The following SEM1 variants were observed in gnomAD, a reference collection of about 807,000 sequenced individuals.
SEM1 encodes SEM1 26S proteasome subunit, also known as 26S proteasome complex subunit SEM1.
In SEM1, 3 loss-of-function variants were observed where a neutral mutation model predicts 12.7. The observed-to-expected ratio is 0.24, with a 90% confidence interval of 0.11 to 0.61. SEM1 has a LOEUF of 0.61. Among genes scored for constraint, SEM1 ranks in the 20% least tolerant of loss-of-function variants. The probability of loss-of-function intolerance (pLI) is 0.88; values close to 1 mark genes in which losing one functional copy is unlikely to be tolerated. For synonymous variants in SEM1, 30 were observed against 27.8 expected, an observed-to-expected ratio of 1.08 and a Z score of -0.25; for missense variants, 59 against 81.3, an observed-to-expected ratio of 0.73 and a Z score of 1.06.
In SEM1 at chr7:96,645,929, G is replaced by A. The variant is rs555042922; in HGVS notation, c.171-23286C>T. The A allele has an allele frequency of 1.8e-5, 7 of 398,278 alleles. No individual in the cohort carries two copies. The East Asian group carries it at 1.8e-4, about 10-fold the overall frequency. 24.7% of individuals were successfully genotyped at this position (398,278 alleles called of 1,614,324 possible). A position where few individuals can be genotyped will look rare whatever the true frequency, so the allele number is the denominator to read the frequency against. The stretch of plus-strand genomic sequence containing the variant: ...ATCTTTTATGGGTAGAGATGATGCT[G>A]TGTCTACCTTCCACAAGAAGAAAAT... On this transcript the variant is annotated intron_variant, in intron 2 of 2. Coordinates refer to the SEM1 transcript ENST00000417009.
At chr7:96,663,943 C>T (rs1789086801) in intron 2 of SEM1, among the ~76,000 whole-genome samples, 1 of 152,088 alleles carries the variant, frequency 6.6e-6, no homozygotes, top group African/African-American at 2.4e-5. Flanking sequence ...CAGTTCATAC[C>T]CACAAGATTG....
intron 2 of SEM1, among the ~76,000 whole-genome samples, chr7:96,599,776 C>A (rs1807137930): frequency 6.6e-6 from 1 of 152,144 alleles, no homozygotes; most frequent in Non-Finnish European, 1.5e-5. Context: ...AAAATAGGTG[C>A]CAGATTCTCT....
At chr7:96,506,778 T>C (rs979532495) in intron 2 of SEM1, 1 of 152,004 alleles carries the variant, frequency 6.6e-6, no homozygotes, top group African/African-American at 2.4e-5. Context: ...GGTACAAATA[T>C]GTGATAAAAA....
intron 2 of SEM1, among the ~76,000 whole-genome samples, chr7:96,658,985 A>C (rs1809277819): frequency 6.6e-6 from 1 of 152,126 alleles, no homozygotes; most frequent in African/African-American, 2.4e-5. Context: ...GATCTAGTAG[A>C]GGCCCTGAAG....
chr7:96,679,005 CTTAT>C (rs1401264945), intron 2 of SEM1, among the ~76,000 whole-genome samples: 4 of 151,996 alleles, frequency 2.6e-5, no homozygotes, highest in East Asian at 1.9e-4. Flanking sequence ...CAAAACGAGA[CTTAT>C]TTAACAAGTT....
intron 2 of SEM1, among the ~76,000 whole-genome samples, chr7:96,607,943 A>C (rs1156331568): frequency 2.0e-5 from 3 of 152,192 alleles, no homozygotes; most frequent in African/African-American, 7.2e-5. Context: ...GGAGATATTA[A>C]AATGATAGAG....
downstream of SEM1, among the ~76,000 whole-genome samples, chr7:96,671,536 G>A (rs1468036938): frequency 1.3e-5 from 2 of 152,122 alleles, no homozygotes; most frequent in Non-Finnish European, 2.9e-5. Flanking sequence ...ACTTGAATGA[G>A]CCTAAAGAAC....
intron 2 of SEM1, among the ~76,000 whole-genome samples, chr7:96,571,396 G>T (rs188483071): frequency 1.3e-5 from 2 of 151,834 alleles, no homozygotes; most frequent in Non-Finnish European, 2.9e-5. Context: ...TGTATGGAAG[G>T]GTTCCAGTTT....
chr7:96,644,995 C>T (rs1299345532), intron 2 of SEM1, among the ~76,000 whole-genome samples: 13 of 151,932 alleles, frequency 8.6e-5, no homozygotes, highest in Admixed American at 2.0e-4. Context: ...AAAATGAGTA[C>T]ATTTATAACA....
intron 2 of SEM1, among the ~76,000 whole-genome samples, chr7:96,541,443 G>GTTTTTTTTTTTTTTTTT (rs61049763): frequency 2.9e-5 from 3 of 102,392 alleles, no homozygotes; most frequent in African/African-American, 1.1e-4. Context: ...TTTTTTTTTT[G>GTTTTTTTTTTTTTTTTT]TTTTTTTTTT....
downstream of SEM1, chr7:96,688,438 GT>G (rs1473078870): frequency 6.6e-6 from 1 of 152,046 alleles, no homozygotes; most frequent in Non-Finnish European, 1.5e-5. Context: ...TAAAACACAG[GT>G]TTTGAAAGGT....
intron 2 of SEM1, among the ~76,000 whole-genome samples, chr7:96,657,669 G>A (rs1011977723): frequency 2.0e-5 from 3 of 152,126 alleles, no homozygotes; most frequent in Admixed American, 6.5e-5. Context: ...CATTGGCTTC[G>A]AAAAAGAAGT....
At chr7:96,686,599 A>G (rs1331106515), downstream of SEM1, among the ~76,000 whole-genome samples, 1 of 152,196 alleles carries the variant, frequency 6.6e-6, no homozygotes, top group Non-Finnish European at 1.5e-5. Context: ...GCTTCATTAT[A>G]TTTATAAAAA....
At position 96,584,682 on chromosome 7, in the gene SEM1, T is replaced by C. The variant is rs1425556335; in HGVS notation, c.171-77984A>G. ...TTGCTCGTTTCTTTTTATTCTTTTT[T>C]CTCTAAACTTCCCTTCTCGCTTCAT... On this transcript the variant is annotated intron_variant and NMD_transcript_variant, in intron 2 of 3. Transcript: ENST00000466986. Among the ~76,000 whole-genome samples, 17 of 151,350 alleles carry C rather than the reference T, an allele frequency of 1.1e-4. No individual in the cohort carries two copies. In the East Asian group the frequency reaches 2.9e-3, roughly 26 times the overall value.
intron 1 of SEM1, among the ~76,000 whole-genome samples, chr7:96,707,056 A>C (rs1281810515): frequency 3.3e-5 from 5 of 152,238 alleles, no homozygotes; most frequent in Non-Finnish European, 7.3e-5. Flanking sequence ...TTTTAAAGTA[A>C]TACTTTTCAA....
intron 2 of SEM1, among the ~76,000 whole-genome samples, chr7:96,627,824 G>A (rs1054240173): frequency 1.3e-5 from 2 of 151,950 alleles, no homozygotes; most frequent in Admixed American, 6.6e-5. Context: ...TTTCTTTGTC[G>A]ATTTTCTGTC....
intron 2 of SEM1, among the ~76,000 whole-genome samples, chr7:96,646,595 T>C (rs1420266507): frequency 2.0e-5 from 3 of 152,206 alleles, no homozygotes; most frequent in Admixed American, 6.5e-5. Flanking sequence ...TGGCTGTCTA[T>C]AATATGCAAG....
intron 2 of SEM1, chr7:96,650,459 T>C (rs1290933351): frequency 2.7e-6 from 2 of 748,168 alleles, no homozygotes; most frequent in Non-Finnish European, 4.9e-6. Flanking sequence ...GACTTGATGG[T>C]ACCAAGCCAC....
chr7:96,579,221 T>A (rs1716482148), intron 2 of SEM1, among the ~76,000 whole-genome samples: 1 of 152,222 alleles, frequency 6.6e-6, no homozygotes, highest in Non-Finnish European at 1.5e-5. Context: ...AATCCAATGG[T>A]GCCAGTCATT....
Sources: gnomAD v4.1 joint callset for allele counts (sites outside exome capture counted in the v4.1 genomes callset) on GRCh38, gnomAD v4.1.1 for gene constraint, MANE v1.5 for transcripts, NCBI Gene and HGNC (gene_info 2026-07-23, HGNC 2026-07-21) for gene names.